Variants in PRELID2 observed in about 807,000 individuals in gnomAD.
The protein encoded by PRELID2 is PRELI domain-containing protein 2.
PRELID2 carries 25 observed loss-of-function variants against 28.4 expected under a neutral mutation model. That is an observed-to-expected ratio of 0.88 (90% CI 0.64 to 1.23). The LOEUF is 1.23. PRELID2 is among the 50% of genes most tolerant of loss of function. The probability of loss-of-function intolerance (pLI) is 0.00; values close to 1 mark genes in which losing one functional copy is unlikely to be tolerated. For missense variants in PRELID2, 201 were observed against 214.4 expected, an observed-to-expected ratio of 0.94 and a Z score of 0.39; for synonymous variants, 76 against 71.6, an observed-to-expected ratio of 1.06 and a Z score of -0.31.
the PRELID2 span, among the ~76,000 whole-genome samples, chr5:145,305,962 A>G: frequency 6.6e-6 from 1 of 152,180 alleles, no homozygotes; most frequent in South Asian, 2.1e-4. Context: ...ACCGGTGGGA[A>G]CACTGAGGTC....
At chr5:145,639,806 A>G (rs1754068215) in intron 1 of PRELID2, among the ~76,000 whole-genome samples, 1 of 152,230 alleles carries the variant, frequency 6.6e-6, no homozygotes, top group Non-Finnish European at 1.5e-5. Flanking sequence ...AAAAGATTTA[A>G]TAAATAGAAA....
intron 1 of PRELID2, among the ~76,000 whole-genome samples, chr5:145,655,397 T>C (rs557796001): frequency 1.4e-4 from 22 of 152,184 alleles, no homozygotes; most frequent in Non-Finnish European, 2.8e-4. Context: ...TGGAAAAAAC[T>C]ACTTTAAAGT....
chr5:145,341,508 C>A, the PRELID2 span, among the ~76,000 whole-genome samples: 1 of 151,828 alleles, frequency 6.6e-6, no homozygotes, highest in South Asian at 2.1e-4. Flanking sequence ...CCACTGCACT[C>A]CAACCTGGGC....
At chr5:145,752,664 C>A (rs1219634216), downstream of PRELID2, among the ~76,000 whole-genome samples, 1 of 152,162 alleles carries the variant, frequency 6.6e-6, no homozygotes. Flanking sequence ...ACAGCTATGA[C>A]CTTGGTAGGG....
At chr5:145,681,346 A>G (rs573057570) in intron 1 of PRELID2, among the ~76,000 whole-genome samples, 5 of 152,236 alleles carry the variant, frequency 3.3e-5, no homozygotes, top group African/African-American at 9.6e-5. Context: ...TCTTGGCTAC[A>G]TGATATGGTT....
At chr5:145,238,344 C>T in the PRELID2 span, among the ~76,000 whole-genome samples, 957 of 152,222 alleles carry the variant, frequency 6.3e-3, 8 homozygotes, top group African/African-American at 0.02. Context: ...CCAGGACTTG[C>T]TGACATCAAT....
rs1189129317 is a variant in PRELID2 at position 145,706,450 on chromosome 5, T to C, written n.70+58481A>G. Among the ~76,000 whole-genome samples, 3 of 152,314 alleles carry C rather than the reference T, an allele frequency of 2.0e-5. No homozygotes were observed. The East Asian group carries it at 5.8e-4, about 29-fold the overall frequency. Reference sequence around the variant, plus strand: ...TCAATGGATAGTTGGTTTTCCTTTATAGAAGGGAGTTCAAGGGAGCGCCCA... The same window carrying C: ...TCAATGGATAGTTGGTTTTCCTTTACAGAAGGGAGTTCAAGGGAGCGCCCA... On this transcript the variant is annotated intron_variant and non_coding_transcript_variant, in intron 1 of 2. Coordinates refer to the PRELID2 transcript ENST00000510259.
At chr5:145,378,690 T>C in the PRELID2 span, among the ~76,000 whole-genome samples, 1 of 152,308 alleles carries the variant, frequency 6.6e-6, no homozygotes, top group African/African-American at 2.4e-5. Flanking sequence ...TTCTGCATTG[T>C]TTTATTATAC....
chr5:145,625,399 T>C (rs887848153), intron 1 of PRELID2, among the ~76,000 whole-genome samples: 1 of 152,160 alleles, frequency 6.6e-6, no homozygotes, highest in African/African-American at 2.4e-5. Flanking sequence ...GAATGAACTG[T>C]AGCTGTGCAC....
the PRELID2 span, among the ~76,000 whole-genome samples, chr5:145,283,297 A>T: frequency 6.6e-6 from 1 of 152,302 alleles, no homozygotes; most frequent in South Asian, 2.1e-4. Context: ...TGAGTGACAA[A>T]TGTAAAATTA....
chr5:145,275,430 C>G, the PRELID2 span, among the ~76,000 whole-genome samples: 1 of 151,934 alleles, frequency 6.6e-6, no homozygotes, highest in Admixed American at 6.6e-5. Context: ...AAGCTACAAC[C>G]GGAAGAGGGT....
At chr5:145,515,573 G>T (rs764386818) in intron 1 of PRELID2, among the ~76,000 whole-genome samples, 4 of 152,146 alleles carry the variant, frequency 2.6e-5, no homozygotes, top group African/African-American at 9.7e-5. Flanking sequence ...ACAAAGAGAA[G>T]CTGGTACCAT....
At chr5:145,359,507 T>C in the PRELID2 span, among the ~76,000 whole-genome samples, 2 of 152,232 alleles carry the variant, frequency 1.3e-5, no homozygotes, top group Non-Finnish European at 2.9e-5. Flanking sequence ...TCTTCCACAT[T>C]TGTCACAACA....
rs1409149277 is a variant in PRELID2, at chr5:145,740,273, T to C, written n.70+24658A>G. ...AATGACAGGATTTATCAAATATATA[T>C]ATATATATATATATATATATATATA... On this transcript the variant is annotated intron_variant and non_coding_transcript_variant, in intron 1 of 2. Coordinates refer to the PRELID2 transcript ENST00000510259. 7.4e-3 allele frequency among the ~76,000 whole-genome samples: 156 copies of C among 20,950 alleles called. 1 individual carries two copies. Among genetic ancestry groups the C allele is most frequent in the Middle Eastern group, 0.014 (1 of 74 alleles). 13.7% of individuals were successfully genotyped at this position (20,950 alleles called of 152,430 possible). A position where few individuals can be genotyped will look rare whatever the true frequency, so the allele number is the denominator to read the frequency against.
the PRELID2 span, among the ~76,000 whole-genome samples, chr5:145,421,466 G>A: frequency 6.6e-6 from 1 of 150,444 alleles, no homozygotes; most frequent in African/African-American, 2.4e-5. Context: ...TCTTGGGAGA[G>A]TGTATGTGTC....
At chr5:145,338,038 T>C in the PRELID2 span, 2 of 152,174 alleles carry the variant, frequency 1.3e-5, no homozygotes, top group African/African-American at 4.8e-5. Context: ...AGAACATCTG[T>C]TTCAAAAACA....
the PRELID2 span, among the ~76,000 whole-genome samples, chr5:145,367,529 AT>A: frequency 1.3e-5 from 2 of 151,874 alleles, no homozygotes. Flanking sequence ...GTTTGGACAA[AT>A]TTATAATGAC....
chr5:145,439,177 A>G, the PRELID2 span, among the ~76,000 whole-genome samples: 1 of 152,128 alleles, frequency 6.6e-6, no homozygotes, highest in Non-Finnish European at 1.5e-5. Context: ...GCTCTGCAGA[A>G]TTGCCTGGGA....
At chr5:145,688,487 A>C (rs1755080811) in intron 1 of PRELID2, among the ~76,000 whole-genome samples, 1 of 152,218 alleles carries the variant, frequency 6.6e-6, no homozygotes, top group African/African-American at 2.4e-5. Flanking sequence ...CTTGCAGTCC[A>C]GTGACAGAAA....
Sources: allele counts gnomAD v4.1 joint callset (sites outside exome capture counted in the v4.1 genomes callset), GRCh38; gene constraint gnomAD v4.1.1; transcripts MANE v1.5; gene names NCBI Gene and HGNC (gene_info 2026-07-23, HGNC 2026-07-21).